NEB: variants seen among roughly 807,000 people sequenced by gnomAD.
The protein encoded by NEB is nemaline myopathy type 2.
A neutral mutation model predicts 952.2 loss-of-function variants in NEB; 512 were observed. The observed-to-expected ratio is 0.54, with a 90% CI of 0.50 to 0.58. The LOEUF (loss-of-function observed/expected upper bound fraction) is 0.58. Ranked by LOEUF, NEB falls within the 20% of genes least tolerant of loss-of-function variation. The pLI, the probability that NEB is intolerant of heterozygous loss-of-function variation, is 0.00. For missense variants in NEB, 8,428 were observed against 9,231.1 expected (o/e 0.91, Z 3.56); for synonymous variants, 2,900 against 3,149.8 (o/e 0.92, Z 2.66).
At chr2:151,723,962 G>A (rs949638816) in intron 8 of NEB, among the ~76,000 whole-genome samples, 1 of 151,990 alleles carries the variant, frequency 6.6e-6, no homozygotes, top group Non-Finnish European at 1.5e-5. Flanking sequence ...ACAATTTTGA[G>A]ATATTACTTT....
At position 151,729,496 on chromosome 2, in the gene NEB, G is replaced by A. The variant is rs2099800572; in HGVS notation, c.78+119C>T. 9 of 1,120,814 alleles carry A rather than the reference G, an allele frequency of 8.0e-6. No homozygotes were observed. In the South Asian group the frequency reaches 1.2e-4, roughly 15 times the overall value. 69.4% of individuals were successfully genotyped at this position (1,120,814 alleles called of 1,614,324 possible). ...CCAGCTTCTGGGCACAGGTAGGTGA[G>A]TGATCCTCTGTCAGATAATCCCTTT... On this transcript the variant is annotated intron_variant, in intron 4 of 181. Coordinates refer to ENST00000397345, the MANE Select transcript of NEB (RefSeq NM_001164508.2).
At chr2:151,498,983 A>G (rs755465698) in intron 169 of NEB, among the ~76,000 whole-genome samples, 2 of 152,176 alleles carry the variant, frequency 1.3e-5, no homozygotes, top group African/African-American at 4.8e-5. Flanking sequence ...GATCTTTGCA[A>G]AATACATTTG....
chr2:151,633,443 T>A (rs1214996013), intron 65 of NEB, among the ~76,000 whole-genome samples: 2 of 152,234 alleles, frequency 1.3e-5, no homozygotes. Context: ...TCCCATTTTG[T>A]TTTTATAAGA....
chr2:151,690,335 G>T, intron 24 of NEB: 3 of 211,270 alleles, frequency 1.4e-5, no homozygotes, highest in Non-Finnish European at 1.9e-5. Context: ...TTGTTACTGT[G>T]CCCTTTCTTT....
chr2:151,535,613 G>T, intron 142 of NEB, 78 bp downstream of exon 142: 1 of 843,104 alleles, frequency 1.2e-6, no homozygotes, highest in Non-Finnish European at 1.9e-6. Context: ...TCTGTGTATT[G>T]GGCTTTAATT....
intron 13 of NEB, among the ~76,000 whole-genome samples, chr2:151,705,796 T>G (rs943120180): frequency 6.6e-6 from 1 of 152,208 alleles, no homozygotes; most frequent in Non-Finnish European, 1.5e-5. Context: ...CTGGAGGCCA[T>G]TATTCTAAAT....
At chr2:151,617,942 C>T (rs1296050087) in intron 74 of NEB, among the ~76,000 whole-genome samples, 1 of 152,110 alleles carries the variant, frequency 6.6e-6, no homozygotes, top group African/African-American at 2.4e-5. Flanking sequence ...CTCCTGTAAT[C>T]CCAGCTACTT....
At position 151,546,355 on chromosome 2, in the gene NEB, C is replaced by T. The variant is rs1002994666; in HGVS notation, c.20456G>A (p.Arg6819Gln). The T allele has an allele frequency of 5.6e-6, 9 of 1,611,982 alleles. No homozygotes were observed. The highest frequency in any genetic ancestry group is 1.1e-5 in the South Asian group (1 of 90,726). Residue 6819 changes from arginine (R) to glutamine (Q), a missense_variant, in exon 134 of 182, where the codon CGG (arginine) becomes CAG (glutamine). Arg to Gln is a conservative substitution (Grantham distance 43). Transcript: ENST00000397345. ...TPDMVRSRHL[R>Q]KLWSNYLYTD... is the part of the protein sequence containing the mutation. The stretch of plus-strand genomic sequence containing the variant: ...ATGATGTGCACTCACCCAGAGCTTC[C>T]GCAGGTGCCGGGAGCGGACCATGTC...
At chr2:151,641,567 G>A (rs935225383) in intron 60 of NEB, among the ~76,000 whole-genome samples, 6 of 152,266 alleles carry the variant, frequency 3.9e-5, no homozygotes, top group Admixed American at 3.9e-4. Flanking sequence ...CTGCCCTTAA[G>A]TGATCCTCCC....
At chr2:151,718,431 C>G (rs771390456) in intron 9 of NEB, among the ~76,000 whole-genome samples, 112 of 152,150 alleles carry the variant, frequency 7.4e-4, no homozygotes, top group Non-Finnish European at 1.3e-3. Flanking sequence ...TTTCACAGCC[C>G]ATTATGAGTC....
rs1001732309 is a variant in NEB, at chr2:151,658,387, T to A, written c.6076-297A>T. 7.9e-5 allele frequency among the ~76,000 whole-genome samples: 12 copies of A among 152,140 alleles called. No individual in the cohort carries two copies. The South Asian group carries it at 2.5e-3, about 32-fold the overall frequency. On this transcript the variant is annotated intron_variant, in intron 47 of 181. Transcript: ENST00000397345. ...TCCCAGAGATTCTTATTGATGCAAATAAGAGTTAAAGGAAGACTACAAAAC... is the reference window on the plus strand; with the variant it reads ...TCCCAGAGATTCTTATTGATGCAAAAAAGAGTTAAAGGAAGACTACAAAAC...
At chr2:151,624,036 T>A (rs2098469905) in intron 71 of NEB, among the ~76,000 whole-genome samples, 1 of 152,204 alleles carries the variant, frequency 6.6e-6, no homozygotes, top group African/African-American at 2.4e-5. Flanking sequence ...CAGATGTGTT[T>A]GTTTTGTTTT....
intron 18 of NEB, among the ~76,000 whole-genome samples, chr2:151,694,848 ATTAAT>A (rs1437637196): frequency 6.6e-6 from 1 of 152,188 alleles, no homozygotes; most frequent in Non-Finnish European, 1.5e-5. Context: ...TTTTTATCAA[ATTAAT>A]TTAATTCTAG....
At position 151,727,815 on chromosome 2, in the gene NEB, A is replaced by G; in HGVS notation, c.170T>C (p.Leu57Pro). The change falls in exon 5 of 182, where the codon CTG becomes CCG. Residue 57 changes from leucine (L) to proline (P), a missense_variant. Coordinates refer to ENST00000397345, the MANE Select transcript of NEB (RefSeq NM_001164508.2). The stretch of plus-strand genomic sequence containing the variant: ...CGGCTTTGCTGATGCTGGCTGTGCC[A>G]GTGCTGGCTGTGCCAGAGCTGGTTT... ...TSKPALAQPA[L>P]AQPASAKPVE... 4 of 1,599,150 alleles carry G rather than the reference A, an allele frequency of 2.5e-6. No homozygotes were observed. Among genetic ancestry groups the G allele is most frequent in the African/African-American group, 1.5e-5 (1 of 68,206 alleles).
intron 9 of NEB, among the ~76,000 whole-genome samples, chr2:151,723,033 A>C (rs529067250): frequency 2.0e-5 from 3 of 152,214 alleles, no homozygotes; most frequent in Non-Finnish European, 2.9e-5. Context: ...CTGTTGTCAC[A>C]GAACAACTTC....
rs559349183 is a variant in NEB at position 151,687,001 on chromosome 2, A to G, written c.2637+418T>C. On this transcript the variant is annotated intron_variant, in intron 27 of 181. Transcript: ENST00000397345. ...TTCTTGGATCTAGACCAAACTCATT[A>G]CTAAAGTCAATGAAGAACGATACTC... is the stretch of plus-strand genomic sequence containing the variant. Among the ~76,000 whole-genome samples the G allele has an allele frequency of 1.2e-3, 186 of 152,320 alleles. 2 individuals carry two copies. Among genetic ancestry groups the G allele is most frequent in the African/African-American group, 3.9e-3 (164 of 41,576 alleles).
At position 151,607,145 on chromosome 2, in the gene NEB, G is replaced by A. The variant is rs1265509860; in HGVS notation, c.12639+359C>T. ...AGATATCATACCTAGCCCGCCATCTGGATGTAAATAGAAATGGTCTTTTGT... is the reference window on the plus strand; with the variant it reads ...AGATATCATACCTAGCCCGCCATCTAGATGTAAATAGAAATGGTCTTTTGT... On this transcript the variant is annotated intron_variant, in intron 83 of 181. Coordinates refer to ENST00000397345, the MANE Select transcript of NEB (RefSeq NM_001164508.2). Among the ~76,000 whole-genome samples the A allele has an allele frequency of 2.5e-4, 26 of 103,392 alleles. 7 individuals carry two copies. Among genetic ancestry groups the A allele is most frequent in the African/African-American group, 6.2e-4 (24 of 39,024 alleles). 67.8% of individuals were successfully genotyped at this position (103,392 alleles called of 152,430 possible). A position where few individuals can be genotyped will look rare whatever the true frequency, so the allele number is the denominator to read the frequency against.
intron 9 of NEB, among the ~76,000 whole-genome samples, chr2:151,721,446 T>C (rs1313868053): frequency 2.0e-5 from 3 of 152,164 alleles, no homozygotes; most frequent in Non-Finnish European, 4.4e-5. Context: ...TGTGTCCCCT[T>C]GTTCAAGTGC....
Position 151,567,437 on chromosome 2 carries a change from C to A in NEB, c.17887G>T (p.Val5963Phe). 1.9e-6 allele frequency: 3 copies of A among 1,613,362 alleles called. No individual in the cohort carries two copies. Among genetic ancestry groups the A allele is most frequent in the Non-Finnish European group, 1.7e-6 (2 of 1,179,602 alleles). Residue 5963 changes from valine (V) to phenylalanine (F), a missense_variant, in exon 114 of 182, where the codon GTT becomes TTT. Around this residue, in one of 11 missense-constraint regions of NEB, gnomAD observed 3,374 missense variants for 3,651.5 expected, o/e 0.92. Coordinates refer to ENST00000397345, the MANE Select transcript of NEB (RefSeq NM_001164508.2). Reference sequence around the variant, plus strand: ...TCATCTCTCATCGTCGGGACACCAACATAATGACCTTTTTGCTTCACATGT... The same window carrying A: ...TCATCTCTCATCGTCGGGACACCAAAATAATGACCTTTTTGCTTCACATGT... ...AEHVKQKGHY[V>F]GVPTMRDDPK...
Sources: allele counts gnomAD v4.1 joint callset (sites outside exome capture counted in the v4.1 genomes callset), GRCh38; gene constraint gnomAD v4.1.1; regional missense constraint gnomAD v4.1.1; transcripts MANE v1.5; gene names NCBI Gene and HGNC (gene_info 2026-07-23, HGNC 2026-07-21).